The following CSMD1 variants were observed in gnomAD, a reference collection of about 807,000 sequenced individuals.
CSMD1 encodes the protein CUB and Sushi multiple domains 1.
Under a neutral mutation model 417.5 loss-of-function variants are expected in CSMD1, and 213 were observed. That is an observed-to-expected ratio of 0.51 (90% CI 0.46 to 0.57). CSMD1 has a LOEUF of 0.57. Ranked by LOEUF, CSMD1 falls within the 20% of genes least tolerant of loss-of-function variation. The probability of loss-of-function intolerance (pLI) is 0.00; values close to 1 mark genes in which losing one functional copy is unlikely to be tolerated. For synonymous variants in CSMD1, 2,862 were observed against 1,736.8 expected (o/e 1.65, Z -16.11); for missense variants, 6,923 against 4,529.7 (o/e 1.53, Z -15.17).
intron 7 of CSMD1, among the ~76,000 whole-genome samples, chr8:3,645,592 G>C (rs1482032285): frequency 6.6e-6 from 1 of 152,164 alleles, no homozygotes; most frequent in African/African-American, 2.4e-5. Context: ...CATGGGAAGA[G>C]TCAGCCTTCT....
chr8:3,325,900 A>G (rs758192698), intron 23 of CSMD1, among the ~76,000 whole-genome samples: 2 of 152,254 alleles, frequency 1.3e-5, no homozygotes, highest in Non-Finnish European at 2.9e-5. Context: ...CTATCAGATC[A>G]TCACAAAATA....
chr8:4,010,820 C>T (rs543568583), intron 4 of CSMD1, among the ~76,000 whole-genome samples: 1 of 152,160 alleles, frequency 6.6e-6, no homozygotes, highest in African/African-American at 2.4e-5. Context: ...ACCTTTGGTT[C>T]CAGTCTAGGC....
At chr8:4,547,668 G>A (rs1050538234) in intron 2 of CSMD1, among the ~76,000 whole-genome samples, 1 of 152,162 alleles carries the variant, frequency 6.6e-6, no homozygotes, top group Non-Finnish European at 1.5e-5. Flanking sequence ...ACGAATGATT[G>A]AGTTCTGTAT....
At chr8:4,124,202 G>C (rs1057094709) in intron 3 of CSMD1, among the ~76,000 whole-genome samples, 4 of 152,132 alleles carry the variant, frequency 2.6e-5, no homozygotes, top group Admixed American at 1.3e-4. Context: ...GTACGACCAG[G>C]AGGAAGCTTC....
At position 4,074,217 on chromosome 8, in the gene CSMD1, A is replaced by G. The variant is rs2552132; in HGVS notation, c.416-42118T>C. ...CACTATGCTAAATTGTACACAAATT[A>G]TACAGCTTTTTGTAACCCCAGAGAA... On this transcript the variant is annotated intron_variant, in intron 3 of 69. Coordinates refer to ENST00000635120, the MANE Select transcript of CSMD1 (RefSeq NM_033225.6). 7.7e-3 allele frequency among the ~76,000 whole-genome samples: 1,169 copies of G among 152,200 alleles called. 14 individuals carry two copies. The highest frequency in any genetic ancestry group is 0.027 in the African/African-American group (1,123 of 41,566).
chr8:4,395,273 A>G (rs1466396485), intron 3 of CSMD1, among the ~76,000 whole-genome samples: 3 of 152,130 alleles, frequency 2.0e-5, no homozygotes, highest in Non-Finnish European at 4.4e-5. Context: ...CTCCAGAACT[A>G]CCACAAAGAA....
chr8:3,241,766 CT>C (rs1288651522), intron 26 of CSMD1, among the ~76,000 whole-genome samples: 1 of 152,052 alleles, frequency 6.6e-6, no homozygotes, highest in Non-Finnish European at 1.5e-5. Flanking sequence ...GGAGATGTGG[CT>C]GGGGTTTGTC....
intron 5 of CSMD1, among the ~76,000 whole-genome samples, chr8:3,808,040 C>T (rs1467459682): frequency 6.6e-6 from 1 of 152,066 alleles, no homozygotes; most frequent in Non-Finnish European, 1.5e-5. Flanking sequence ...TTTAAATTGC[C>T]TTTTCTACAG....
chr8:3,774,357 T>C (rs940892748), intron 5 of CSMD1, among the ~76,000 whole-genome samples: 1 of 152,124 alleles, frequency 6.6e-6, no homozygotes, highest in Non-Finnish European at 1.5e-5. Context: ...ATGGCGGTTG[T>C]TTGGATGTCT....
Position 2,962,549 on chromosome 8 carries a change from T to G in CSMD1, c.9545A>C (p.Lys3182Thr), listed in dbSNP as rs1803581517. 7 of 1,613,726 alleles carry G rather than the reference T, an allele frequency of 4.3e-6. No homozygotes were observed. Among genetic ancestry groups the G allele is most frequent in the Non-Finnish European group, 5.9e-6 (7 of 1,179,846 alleles). Residue 3182 changes from lysine to threonine, a missense_variant, in exon 61 of 70, where the codon AAA becomes ACA. Coordinates refer to ENST00000635120, the MANE Select transcript of CSMD1 (RefSeq NM_033225.6). ...TYKSEVFFQC[K>T]SPFILVGSSR... ...GGATCCCACGAGTATAAATGGAGAT[T>G]TGCACTGGAAGAAGACTTCGGACTT...
At chr8:3,797,327 T>C (rs554746605) in intron 5 of CSMD1, among the ~76,000 whole-genome samples, 17 of 152,084 alleles carry the variant, frequency 1.1e-4, no homozygotes, top group Admixed American at 7.9e-4. Context: ...AATTCAATGA[T>C]TGTTGACAAA....
chr8:3,160,080 G>T (rs765623259), intron 38 of CSMD1, among the ~76,000 whole-genome samples: 1 of 152,136 alleles, frequency 6.6e-6, no homozygotes, highest in Admixed American at 6.5e-5. Context: ...ACAGATTGAG[G>T]TGTCCCTCTA....
At chr8:4,637,962 G>T (rs982561443) in intron 1 of CSMD1, among the ~76,000 whole-genome samples, 5 of 152,062 alleles carry the variant, frequency 3.3e-5, no homozygotes, top group Admixed American at 2.0e-4. Context: ...GAGCCACCGC[G>T]CCCGGCCTAG....
intron 5 of CSMD1, among the ~76,000 whole-genome samples, chr8:3,796,686 A>C (rs1800173810): frequency 6.6e-6 from 1 of 150,584 alleles, no homozygotes; most frequent in Admixed American, 6.7e-5. Context: ...ATACATTGGA[A>C]GGTTAGAAAA....
chr8:3,352,863 C>A (rs1056173760), intron 21 of CSMD1, among the ~76,000 whole-genome samples: 1 of 151,860 alleles, frequency 6.6e-6, no homozygotes, highest in Non-Finnish European at 1.5e-5. Context: ...AACAAAGAAA[C>A]AAACAAACAA....
chr8:4,765,891 A>C (rs897063032), intron 1 of CSMD1, among the ~76,000 whole-genome samples: 15 of 152,330 alleles, frequency 9.8e-5, no homozygotes, highest in East Asian at 1.9e-4. Context: ...TTGATTTACA[A>C]ACATTTATAT....
chr8:4,304,609 T>G (rs574384619), intron 3 of CSMD1, among the ~76,000 whole-genome samples: 40 of 152,286 alleles, frequency 2.6e-4, no homozygotes, highest in African/African-American at 9.4e-4. Flanking sequence ...TAATATTTCC[T>G]CATTTTATAC....
chr8:4,472,836 C>G (rs1800611864), intron 2 of CSMD1, among the ~76,000 whole-genome samples: 1 of 151,886 alleles, frequency 6.6e-6, no homozygotes, highest in Non-Finnish European at 1.5e-5. Flanking sequence ...TATACCCTTT[C>G]TGTAAGTGTG....
chr8:3,183,553 C>T (rs1209706486), intron 36 of CSMD1, among the ~76,000 whole-genome samples: 1 of 120,538 alleles, frequency 8.3e-6, no homozygotes, highest in Non-Finnish European at 1.7e-5. Context: ...ATCCCTGAAA[C>T]ATCGAGTAGG....
Sources: allele counts gnomAD v4.1 joint callset (sites outside exome capture counted in the v4.1 genomes callset), GRCh38; gene constraint gnomAD v4.1.1; transcripts MANE v1.5; gene names NCBI Gene and HGNC (gene_info 2026-07-23, HGNC 2026-07-21).